MAST2: variants seen among roughly 807,000 people sequenced by gnomAD.
MAST2 encodes the protein microtubule associated serine/threonine kinase 2, also known as microtubule-associated serine/threonine-protein kinase 2.
Under a neutral mutation model 147.4 loss-of-function variants are expected in MAST2, and 70 were observed. The ratio of observed to expected loss-of-function variants is 0.47; its 90% confidence interval spans 0.39 to 0.58. The LOEUF (loss-of-function observed/expected upper bound fraction) is 0.58. Ranked by LOEUF, MAST2 falls within the 20% of genes least tolerant of loss-of-function variation. MAST2 has a pLI of 0.00. For missense variants in MAST2, 2,080 were observed against 2,302.3 expected (o/e 0.90, Z 1.98); for synonymous variants, 869 against 896.8 (o/e 0.97, Z 0.55).
chr1:45,943,072 T>G (rs540212066), intron 4 of MAST2, among the ~76,000 whole-genome samples: 1 of 152,286 alleles, frequency 6.6e-6, no homozygotes, highest in South Asian at 2.1e-4. Flanking sequence ...AGTGAAAAAT[T>G]AACATGTATT....
intron 3 of MAST2, among the ~76,000 whole-genome samples, chr1:45,850,456 T>A (rs955719775): frequency 2.6e-5 from 4 of 152,212 alleles, no homozygotes; most frequent in Non-Finnish European, 4.4e-5. Context: ...TAGGTCCCAC[T>A]TGACAATTTT....
chr1:45,982,098 C>T (rs1644432609), intron 5 of MAST2, among the ~76,000 whole-genome samples: 1 of 152,186 alleles, frequency 6.6e-6, no homozygotes, highest in South Asian at 2.1e-4. Context: ...ATCTGCCTGC[C>T]TCGGCCTCCC....
At chr1:45,992,683 T>C (rs1009553192) in intron 5 of MAST2, among the ~76,000 whole-genome samples, 32 of 152,160 alleles carry the variant, frequency 2.1e-4, no homozygotes, top group African/African-American at 7.7e-4. Context: ...TTGGAGATGA[T>C]TAGCTATTGA....
chr1:45,882,208 A>T (rs1175967082), intron 3 of MAST2, among the ~76,000 whole-genome samples, 156 bp from the exon 4 acceptor site: 2 of 42,956 alleles, frequency 4.7e-5, no homozygotes, highest in Admixed American at 5.4e-4. Context: ...AAAAAAAAAT[A>T]AATAAAATTT....
At chr1:45,875,885 A>G (rs942128399) in intron 3 of MAST2, among the ~76,000 whole-genome samples, 1 of 152,128 alleles carries the variant, frequency 6.6e-6, no homozygotes, top group Non-Finnish European at 1.5e-5. Context: ...GGATAGAGAT[A>G]CAAATTTGAG....
intron 7 of MAST2, among the ~76,000 whole-genome samples, chr1:46,003,263 C>T (rs1286853209): frequency 1.3e-5 from 2 of 152,200 alleles, no homozygotes; most frequent in Non-Finnish European, 2.9e-5. Context: ...ATATCTGAAG[C>T]ACTTGGTAGA....
intron 4 of MAST2, among the ~76,000 whole-genome samples, chr1:45,950,074 G>C (rs1658710702): frequency 1.3e-5 from 2 of 152,020 alleles, no homozygotes; most frequent in South Asian, 4.1e-4. Context: ...CTTGGGGGTG[G>C]AGAGAGAGAG....
chr1:45,831,038 A>T (rs931377657), intron 3 of MAST2, among the ~76,000 whole-genome samples: 8 of 151,934 alleles, frequency 5.3e-5, no homozygotes, highest in African/African-American at 1.7e-4. Context: ...TGGAAAAAAA[A>T]AAAAAAAAAA....
In MAST2 at chr1:46,019,578, C is replaced by T. The variant is rs200923831; in HGVS notation, c.1189-18C>T. 289 of 1,606,432 alleles carry T rather than the reference C, an allele frequency of 1.8e-4. 2 individuals are homozygous for T. The Middle Eastern group carries it at 4.5e-3, about 25-fold the overall frequency. ...CACACTGGGCCAATAGATTAAGCAA[C>T]GCTTCTTTTCTCTATAGGCTCATGA... On this transcript the variant is annotated intron_variant, in intron 10 of 28. Coordinates refer to ENST00000361297, the MANE Select transcript of MAST2 (RefSeq NM_015112.3).
intron 5 of MAST2, among the ~76,000 whole-genome samples, chr1:45,988,740 G>A (rs1041883498): frequency 6.6e-6 from 1 of 151,926 alleles, no homozygotes; most frequent in Non-Finnish European, 1.5e-5. Context: ...TAGTTTTTTT[G>A]CTTAAGTTGT....
intron 4 of MAST2, among the ~76,000 whole-genome samples, chr1:45,937,798 A>G (rs2148769735): frequency 6.6e-6 from 1 of 150,970 alleles, no homozygotes; most frequent in Admixed American, 6.6e-5. Context: ...CATTGTAAGC[A>G]ATTCAACGTA....
At chr1:46,019,548 C>A in intron 10 of MAST2, 48 bp from the exon 11 acceptor site, 2 of 1,513,828 alleles carry the variant, frequency 1.3e-6, no homozygotes, top group South Asian at 1.1e-5. Context: ...CCTGCTTAGC[C>A]CAGCCACACT....
intron 4 of MAST2, among the ~76,000 whole-genome samples, chr1:45,901,101 C>A (rs1326330368): frequency 2.0e-5 from 3 of 152,006 alleles, no homozygotes; most frequent in Non-Finnish European, 4.4e-5. Flanking sequence ...AGAGTTTTTC[C>A]TAGGTATTCT....
At chr1:45,932,580 C>T (rs956794878) in intron 4 of MAST2, among the ~76,000 whole-genome samples, 5 of 151,830 alleles carry the variant, frequency 3.3e-5, no homozygotes, top group Middle Eastern at 3.2e-3. Context: ...GGCTGAGGCA[C>T]GAGAATCGCT....
chr1:45,860,164 C>T (rs1227558169), intron 3 of MAST2, among the ~76,000 whole-genome samples: 3 of 151,200 alleles, frequency 2.0e-5, no homozygotes, highest in Non-Finnish European at 2.9e-5. Context: ...TTGTGACAAG[C>T]GTGGCCAACA....
chr1:45,856,707 C>T (rs1371815778), intron 3 of MAST2, among the ~76,000 whole-genome samples: 2 of 151,358 alleles, frequency 1.3e-5, no homozygotes, highest in African/African-American at 2.4e-5. Flanking sequence ...GCAATTATAC[C>T]GAGGAAGAGC....
chr1:45,922,560 C>T (rs1034610898), intron 4 of MAST2, among the ~76,000 whole-genome samples: 8 of 152,200 alleles, frequency 5.3e-5, no homozygotes, highest in Admixed American at 1.3e-4. Flanking sequence ...TGACAGCTCC[C>T]GGGCTGGGTC....
chr1:46,019,179 C>T (rs1221607452), intron 10 of MAST2, among the ~76,000 whole-genome samples: 1 of 152,172 alleles, frequency 6.6e-6, no homozygotes, highest in African/African-American at 2.4e-5. Context: ...GTACTCTCTA[C>T]ACTGCAGCCA....
intron 6 of MAST2, among the ~76,000 whole-genome samples, chr1:45,999,730 A>C (rs955241641): frequency 1.3e-5 from 2 of 152,216 alleles, no homozygotes; most frequent in Admixed American, 6.5e-5. Context: ...ACCTCCTCAG[A>C]GAGGCCTTCC....
Sources: allele counts gnomAD v4.1 joint callset (sites outside exome capture counted in the v4.1 genomes callset), GRCh38; gene constraint gnomAD v4.1.1; transcripts MANE v1.5; gene names NCBI Gene and HGNC (gene_info 2026-07-23, HGNC 2026-07-21).